PPID: variants seen among roughly 807,000 people sequenced by gnomAD.
PPID encodes the protein peptidyl-prolyl cis-trans isomerase D.
Under a neutral mutation model 48.1 loss-of-function variants are expected in PPID, and 47 were observed. The ratio of observed to expected loss-of-function variants is 0.98; its 90% CI spans 0.77 to 1.25. The LOEUF (loss-of-function observed/expected upper bound fraction) is 1.25, where lower values mean the gene tolerates loss of function less well. Ranked by LOEUF, PPID falls within the 50% of genes most tolerant of loss-of-function variation. PPID has a pLI of 0.00. For synonymous variants in PPID, 163 were observed against 148.8 expected (o/e 1.10, Z -0.69); for missense variants, 429 against 443.5 (o/e 0.97, Z 0.29).
rs199838679 is a variant in PPID at position 158,709,805 on chromosome 4, C to T, written c.1044G>A (p.Leu348=). The change falls in exon 10 of 10, where the codon CTG becomes CTA. Residue 348 remains leucine, a synonymous_variant. Coordinates refer to ENST00000307720, the MANE Select transcript of PPID (RefSeq NM_005038.3). ...PEDKAIQAEL[L]KVKQKIKAQK... is the part of the protein sequence containing the mutation. ...GTGCCTTTATCTTTTGTTTGACTTT[C>T]AGCAATTCTGCCTGGATAGCTGTAA... 1.6e-5 allele frequency: 25 copies of T among 1,610,612 alleles called. No individual in the cohort carries two copies. Among genetic ancestry groups the T allele is most frequent in the Non-Finnish European group, 2.1e-5 (25 of 1,177,800 alleles).
chr4:158,715,811 T>C (rs1301175726), intron 4 of PPID, 127 bp from the exon 5 acceptor site: 3 of 1,025,060 alleles, frequency 2.9e-6, no homozygotes, highest in Non-Finnish European at 4.2e-6. Flanking sequence ...ATTTATGTAC[T>C]ATAATGCTGT....
In PPID at chr4:158,713,207, T is replaced by A. The variant is rs1377023683; in HGVS notation, c.806A>T (p.Gln269Leu). 5.0e-6 allele frequency: 8 copies of A among 1,613,872 alleles called. No homozygotes were observed. The highest frequency in any genetic ancestry group is 1.7e-5 in the Admixed American group (1 of 59,992). ...CAGTACACAGCTTAAAGCTATAGGT[T>A]GCAGCTTGGCTCTATCTGCTGTCTC... ...VIETADRAKL[Q>L]PIALSCVLNI... is the part of the protein sequence containing the mutation. The change falls in exon 7 of 10, where the codon CAA becomes CTA. Residue 269 changes from glutamine to leucine, a missense_variant. Transcript: ENST00000307720.
At chr4:158,720,705 GT>G (rs1774943615) in intron 2 of PPID, among the ~76,000 whole-genome samples, 1 of 1,224 alleles carries the variant, frequency 8.2e-4, no homozygotes, top group Non-Finnish European at 5.2e-3. Context: ...GCATTTTTTT[GT>G]TTGTTTGTTT....
chr4:158,718,220 C>T (rs562120021), intron 3 of PPID, among the ~76,000 whole-genome samples: 5 of 152,216 alleles, frequency 3.3e-5, no homozygotes, highest in South Asian at 4.2e-4. Context: ...CTTTCCTCAC[C>T]GACGTCCCTT....
rs766776446 is a variant in PPID at position 158,710,781 on chromosome 4, T to C, written c.962A>G (p.Lys321Arg). The C allele has an allele frequency of 6.2e-7, 1 of 1,613,898 alleles. No individual in the cohort carries two copies. Among genetic ancestry groups the C allele is most frequent in the Non-Finnish European group, 8.5e-7 (1 of 1,179,770 alleles). ...YRRAQGWQGL[K>R]EYDQALADLK... Reference sequence around the variant, plus strand: ...ATTTACCAATGCTTGATCATATTCTTTTAATCCTTGCCATCCTTGAGCTCT... The same window carrying C: ...ATTTACCAATGCTTGATCATATTCTCTTAATCCTTGCCATCCTTGAGCTCT... Residue 321 changes from lysine to arginine, a missense_variant, in exon 8 of 10, where the codon AAA (lysine) becomes AGA (arginine). Physicochemically the swap from Lys to Arg is conservative, Grantham distance 26. Transcript: ENST00000307720.
intron 9 of PPID, 124 bp from the exon 10 acceptor site, chr4:158,709,948 G>C (rs1405703803): frequency 2.9e-6 from 2 of 679,166 alleles, no homozygotes; most frequent in Middle Eastern, 3.6e-4. Flanking sequence ...CTAAGCCCTA[G>C]TAACAGAAAA....
chr4:158,722,345 G>C (rs746810016), intron 1 of PPID, among the ~76,000 whole-genome samples: 4 of 152,202 alleles, frequency 2.6e-5, no homozygotes, highest in African/African-American at 9.6e-5. Flanking sequence ...CACGTGTTAC[G>C]TATACCTGCA....
chr4:158,716,941 A>G (rs1280028043), intron 4 of PPID, 71 bp downstream of exon 4: 2 of 1,472,998 alleles, frequency 1.4e-6, no homozygotes, highest in African/African-American at 1.4e-5. Flanking sequence ...AGCCTGGAAC[A>G]GATCGAGACT....
intron 6 of PPID, among the ~76,000 whole-genome samples, chr4:158,713,990 T>C (rs917469810): frequency 7.2e-5 from 11 of 151,888 alleles, no homozygotes; most frequent in Middle Eastern, 3.4e-3. Flanking sequence ...CAGACCAGCC[T>C]GGGCAATATA....
intron 7 of PPID, 29 bp from the exon 8 acceptor site, chr4:158,710,877 T>C: frequency 6.4e-7 from 1 of 1,558,642 alleles, no homozygotes; most frequent in Non-Finnish European, 8.8e-7. Context: ...CTAGTATTTA[T>C]ATCAAAGTAT....
chr4:158,715,686 T>C lies in PPID; in HGVS notation c.523-2A>G, dbSNP rs1774860859. Reference sequence around the variant, plus strand: ...TCCACATTCTGCAATAACGCACAACTGTAAAAATAACCCTAAATTGTAGAA... The same window carrying C: ...TCCACATTCTGCAATAACGCACAACCGTAAAAATAACCCTAAATTGTAGAA... On this transcript the variant is annotated splice_acceptor_variant, in intron 4 of 9. Coordinates refer to ENST00000307720, the MANE Select transcript of PPID (RefSeq NM_005038.3). LOFTEE classifies it high-confidence loss of function. 6.2e-7 allele frequency: 1 copy of C among 1,607,228 alleles called. No homozygotes were observed. Among genetic ancestry groups the C allele is most frequent in the Non-Finnish European group, 8.5e-7 (1 of 1,173,740 alleles).
Position 158,723,196 on chromosome 4 carries a change from C to CCGCTCACCT in PPID, c.84_85+7dup. ...GGGGCTTTTCCGCGAGCGTCAGACT[C>CCGCTCACCT]CGCTCACCTCGCTCCCCTCCGATGT... On this transcript the variant is annotated splice_region_variant and intron_variant, in intron 1 of 9. Transcript: ENST00000307720. 6.2e-7 allele frequency: 1 copy of CCGCTCACCT among 1,611,920 alleles called. No homozygotes were observed. Among genetic ancestry groups the CCGCTCACCT allele is most frequent in the Non-Finnish European group, 8.5e-7 (1 of 1,178,642 alleles).
chr4:158,710,908 C>T (rs1487680405), intron 7 of PPID, 60 bp from the exon 8 acceptor site: 1 of 1,416,706 alleles, frequency 7.1e-7, no homozygotes, highest in Non-Finnish European at 9.9e-7. Context: ...TGCCAGATTT[C>T]AATTCATTGC....
intron 3 of PPID, among the ~76,000 whole-genome samples, chr4:158,718,274 TCA>T: frequency 6.6e-6 from 1 of 152,338 alleles, no homozygotes. Flanking sequence ...TAACCAAATC[TCA>T]GACATGTTGC....
intron 2 of PPID, among the ~76,000 whole-genome samples, chr4:158,720,471 CTG>C (rs1774938968): frequency 1.3e-5 from 2 of 152,252 alleles, no homozygotes; most frequent in South Asian, 2.1e-4. Context: ...TACTCAATAA[CTG>C]TATTAGATGC....
chr4:158,713,316 T>C, intron 6 of PPID, 56 bp from the exon 7 acceptor site: 1 of 1,460,694 alleles, frequency 6.8e-7, no homozygotes, highest in Non-Finnish European at 9.2e-7. Context: ...GGAATTACTC[T>C]TCTCTATGTC....
At chr4:158,712,182 G>T (rs913954282) in intron 7 of PPID, among the ~76,000 whole-genome samples, 7 of 152,194 alleles carry the variant, frequency 4.6e-5, no homozygotes, top group African/African-American at 1.4e-4. Context: ...CAACAGGGAA[G>T]AGAGTCATAA....
intron 2 of PPID, 107 bp from the exon 3 acceptor site, chr4:158,719,393 A>G (rs1425491197): frequency 1.4e-6 from 1 of 720,836 alleles, no homozygotes; most frequent in Non-Finnish European, 2.4e-6. Flanking sequence ...GACTCTAGTC[A>G]TGTCTCTCTC....
chr4:158,710,543 A>G (rs754190979), intron 9 of PPID, 85 bp downstream of exon 9: 1 of 1,443,178 alleles, frequency 6.9e-7, no homozygotes, highest in Non-Finnish European at 9.7e-7. Flanking sequence ...ACAAACATCT[A>G]AAATCTGGCA....
Sources: gnomAD v4.1 joint callset for allele counts (sites outside exome capture counted in the v4.1 genomes callset) on GRCh38, gnomAD v4.1.1 for gene constraint, MANE v1.5 for transcripts, NCBI Gene and HGNC (gene_info 2026-07-23, HGNC 2026-07-21) for gene names.